The following GANAB variants were observed in gnomAD, a reference collection of about 807,000 sequenced individuals.
GANAB encodes glucosidase II alpha subunit, also known as neutral alpha-glucosidase AB.
GANAB carries 35 observed loss-of-function variants against 129.9 expected under a neutral mutation model. The observed-to-expected ratio is 0.27, with a 90% confidence interval of 0.21 to 0.36. The LOEUF is 0.36. GANAB is among the 10% of genes least tolerant of loss of function. GANAB has a pLI of 1.00. For missense variants in GANAB, 939 were observed against 1,221.0 expected (o/e 0.77, Z 3.44); for synonymous variants, 482 against 451.8 (o/e 1.07, Z -0.85).
At chr11:62,642,495 C>G (rs1373933643) in intron 1 of GANAB, among the ~76,000 whole-genome samples, 1 of 151,254 alleles carries the variant, frequency 6.6e-6, no homozygotes, top group African/African-American at 2.4e-5. Context: ...AGTGCAGTGA[C>G]ATGATCTCAG....
rs1943421473 is a variant in GANAB at position 62,627,063 on chromosome 11, C to T, written c.2307G>A (p.Leu769=). The T allele has an allele frequency of 6.2e-7, 1 of 1,613,334 alleles. No individual in the cohort carries two copies. Among genetic ancestry groups the T allele is most frequent in the South Asian group, 1.1e-5 (1 of 91,076 alleles). Residue 769 remains leucine (L), a synonymous_variant, in exon 19 of 24, where the codon CTG becomes CTA. Transcript: ENST00000356638. ...CTTAACTCACCTCCCCTTGGCCAGG[C>T]AGATAGACCTGGACACCATGGGCTC... ...DSGAHGVQVY[L]PGQGEVWYDI...
At chr11:62,643,287 C>G (rs1944345106) in intron 1 of GANAB, among the ~76,000 whole-genome samples, 1 of 152,124 alleles carries the variant, frequency 6.6e-6, no homozygotes, top group South Asian at 2.1e-4. Context: ...GGGCAGATCA[C>G]GAGATCAGGA....
intron 8 of GANAB, 47 bp from the exon 9 acceptor site, chr11:62,632,792 C>T (rs1177918544): frequency 3.4e-6 from 5 of 1,452,456 alleles, no homozygotes; most frequent in South Asian, 1.2e-5. Flanking sequence ...CCCCAGGCTG[C>T]GTTATATGCT....
chr11:62,634,441 C>T, intron 5 of GANAB: 1 of 1,034,182 alleles, frequency 9.7e-7, no homozygotes, highest in Non-Finnish European at 1.5e-6. Flanking sequence ...AAAACAGAAA[C>T]ATAAAAGTGA....
At chr11:62,642,303 T>C (rs1944305923) in intron 1 of GANAB, among the ~76,000 whole-genome samples, 2 of 152,092 alleles carry the variant, frequency 1.3e-5, no homozygotes, top group South Asian at 4.1e-4. Context: ...AGTCCTCCCA[T>C]CTTGGCCTCC....
Position 62,625,545 on chromosome 11 carries a change from C to G in GANAB, c.*270G>C. On this transcript the variant is annotated 3_prime_UTR_variant, in exon 24 of 24. Coordinates refer to ENST00000356638, the MANE Select transcript of GANAB (RefSeq NM_198334.3). ...AAGGGCCCTGTGGTTTCCTGGTGTT[C>G]GTAAGTGAATGTGCTCCAGTTAGAG... is the stretch of plus-strand genomic sequence containing the variant. The G allele has an allele frequency of 2.0e-6, 1 of 496,896 alleles. No individual in the cohort carries two copies. 30.8% of individuals were successfully genotyped at this position (496,896 alleles called of 1,614,324 possible). A position where few individuals can be genotyped will look rare whatever the true frequency, so the allele number is the denominator to read the frequency against.
chr11:62,646,250 G>A (rs1300750532), intron 1 of GANAB, among the ~76,000 whole-genome samples: 1 of 152,224 alleles, frequency 6.6e-6, no homozygotes, highest in East Asian at 1.9e-4. Context: ...GCAGGAAGGG[G>A]GCGGCGACGT....
rs914771881 is a variant in GANAB at position 62,625,371 on chromosome 11, G to A, written c.*444C>T. The A allele has an allele frequency of 2.3e-6, 1 of 443,224 alleles. No individual in the cohort carries two copies. The highest frequency in any genetic ancestry group is 4.5e-6 in the Non-Finnish European group (1 of 221,304). 27.5% of individuals were successfully genotyped at this position (443,224 alleles called of 1,614,324 possible). A position where few individuals can be genotyped will look rare whatever the true frequency, so the allele number is the denominator to read the frequency against. ...CTGGAGGAAGAAATGAAAGGTGGGA[G>A]AGCAATCTGGTGGGAGGGAAGGGGA... On this transcript the variant is annotated 3_prime_UTR_variant, in exon 24 of 24. Coordinates refer to ENST00000356638, the MANE Select transcript of GANAB (RefSeq NM_198334.3).
chr11:62,634,305 T>C, intron 5 of GANAB: 1 of 1,587,240 alleles, frequency 6.3e-7, no homozygotes, highest in Non-Finnish European at 8.7e-7. Context: ...TGGCCATGGA[T>C]TTACCTAGAG....
intron 13 of GANAB, 81 bp from the exon 14 acceptor site, chr11:62,630,038 G>T: frequency 6.7e-7 from 1 of 1,496,402 alleles, no homozygotes; most frequent in Non-Finnish European, 9.3e-7. Context: ...AGAGCTCCTA[G>T]GAATCTAAAA....
chr11:62,630,917 G>A (rs1187967367), intron 10 of GANAB, 81 bp from the exon 11 acceptor site: 1 of 1,478,322 alleles, frequency 6.8e-7, no homozygotes, highest in East Asian at 2.3e-5. Flanking sequence ...TGAACTAGAG[G>A]CAGGCTGAGG....
At chr11:62,638,857 G>A (rs1212614303) in intron 4 of GANAB, 126 bp downstream of exon 4, 1 of 814,728 alleles carries the variant, frequency 1.2e-6, no homozygotes, top group Admixed American at 2.3e-5. Flanking sequence ...AGGTTGAGGA[G>A]TATGGCAAGG....
intron 4 of GANAB, among the ~76,000 whole-genome samples, chr11:62,635,451 A>G (rs1341262526): frequency 1.3e-5 from 2 of 152,126 alleles, no homozygotes; most frequent in African/African-American, 4.8e-5. Flanking sequence ...AAGTGCTGGG[A>G]TTACAGGCGT....
chr11:62,629,925 G>A lies in GANAB; in HGVS notation c.1626C>T (p.Asp542=). Residue 542 remains aspartate (D), a synonymous_variant, in exon 14 of 24, where the codon GAC becomes GAT. Transcript: ENST00000356638. ...GSAPNLFVWN[D]MNEPSVFNGP... ...CATTGAACACAGATGGTTCGTTCAT[G>A]TCATTCCAGACAAAGAGGTTGGGAG... The A allele has an allele frequency of 1.2e-6, 2 of 1,614,140 alleles. No individual in the cohort carries two copies. The highest frequency in any genetic ancestry group is 1.7e-6 in the Non-Finnish European group (2 of 1,179,980).
intron 23 of GANAB, 39 bp downstream of exon 23, chr11:62,626,026 C>T (rs185278436): frequency 1.3e-6 from 2 of 1,534,568 alleles, no homozygotes; most frequent in East Asian, 4.5e-5. Context: ...CCCGGCTTCC[C>T]CTCCTTCCCC....
In GANAB at chr11:62,626,406, C is replaced by T. The variant is rs1367437336; in HGVS notation, c.2553G>A (p.Thr851=). Residue 851 remains threonine (T), a synonymous_variant, in exon 22 of 24, where the codon ACG becomes ACA. Transcript: ENST00000356638. ...ACTCTTGGCGAGTCTGATAGTTGAACGTGTGCCCATCATCCAGAAAGAGCT... is the reference window on the plus strand; with the variant it reads ...ACTCTTGGCGAGTCTGATAGTTGAATGTGTGCCCATCATCCAGAAAGAGCT... ...QGELFLDDGH[T]FNYQTRQEFL... 6.2e-7 allele frequency: 1 copy of T among 1,613,504 alleles called. No individual in the cohort carries two copies. The highest frequency in any genetic ancestry group is 8.5e-7 in the Non-Finnish European group (1 of 1,179,422).
At position 62,633,177 on chromosome 11, in the gene GANAB, C is replaced by T; in HGVS notation, c.718+7G>A. ...GCACCCCAGCCCAAGGAACCCGAGC[C>T]CCTCACCATACGGCTTGCTGTCAGA... On this transcript the variant is annotated splice_region_variant and intron_variant, in intron 7 of 23. Coordinates refer to ENST00000356638, the MANE Select transcript of GANAB (RefSeq NM_198334.3). 5.6e-6 allele frequency: 9 copies of T among 1,612,778 alleles called. No homozygotes were observed. Among genetic ancestry groups the T allele is most frequent in the Non-Finnish European group, 7.6e-6 (9 of 1,178,834 alleles).
chr11:62,633,152 G>C, intron 7 of GANAB, 32 bp downstream of exon 7: 1 of 1,602,616 alleles, frequency 6.2e-7, no homozygotes, highest in Non-Finnish European at 8.5e-7. Context: ...AAGGAGCCCT[G>C]CACCCCAGCC....
Position 62,634,943 on chromosome 11 carries a change from G to C in GANAB, c.438C>G (p.Pro146=). 1 of 1,613,702 alleles carries C rather than the reference G, an allele frequency of 6.2e-7. No homozygotes were observed. The highest frequency in any genetic ancestry group is 8.5e-7 in the Non-Finnish European group (1 of 1,179,580). The part of the protein sequence containing the change: ...NSVELTMAEG[P]YKIILTARPF... ...GCCGTGCTGTCAAGATGATCTTGTA[G>C]GGTCCCTCAGCCATGGTTAACTCCA... Residue 146 remains proline (P), a synonymous_variant, in exon 5 of 24, where the codon CCC becomes CCG. Coordinates refer to ENST00000356638, the MANE Select transcript of GANAB (RefSeq NM_198334.3).
Sources: gnomAD v4.1 joint callset for allele counts (sites outside exome capture counted in the v4.1 genomes callset) on GRCh38, gnomAD v4.1.1 for gene constraint, MANE v1.5 for transcripts, NCBI Gene and HGNC (gene_info 2026-07-23, HGNC 2026-07-21) for gene names.